The following SUMF1 variants were observed in gnomAD, a reference collection of about 807,000 sequenced individuals.
SUMF1 encodes the protein formylglycine-generating enzyme.
A neutral mutation model predicts 47.6 loss-of-function variants in SUMF1; 48 were observed. The observed-to-expected ratio is 1.01, with a 90% CI of 0.80 to 1.28. The LOEUF (loss-of-function observed/expected upper bound fraction) is 1.28. Ranked by LOEUF, SUMF1 falls within the 50% of genes most tolerant of loss-of-function variation. The probability of loss-of-function intolerance (pLI) is 0.00; values close to 1 mark genes in which losing one functional copy is unlikely to be tolerated. For missense variants in SUMF1, 571 were observed against 485.4 expected (o/e 1.18, Z -1.66); for synonymous variants, 230 against 192.1 (o/e 1.20, Z -1.63).
intron 8 of SUMF1, among the ~76,000 whole-genome samples, chr3:4,128,075 G>A (rs1048968706): frequency 6.6e-6 from 1 of 152,146 alleles, no homozygotes; most frequent in African/African-American, 2.4e-5. Context: ...AGTGATGAAA[G>A]AAAATGATGA....
intron 3 of SUMF1, among the ~76,000 whole-genome samples, chr3:4,433,185 G>A (rs1702291098): frequency 6.6e-6 from 1 of 152,112 alleles, no homozygotes; most frequent in Admixed American, 6.5e-5. Context: ...TCCAATATTC[G>A]AGGGGCAGGG....
chr3:4,296,928 G>A (rs1317148197), intron 8 of SUMF1, among the ~76,000 whole-genome samples: 3 of 152,116 alleles, frequency 2.0e-5, no homozygotes, highest in Admixed American at 6.5e-5. Flanking sequence ...AATCGAAAAA[G>A]AGACTGAAAC....
intron 9 of SUMF1, among the ~76,000 whole-genome samples, chr3:4,065,606 T>G (rs1325342899): frequency 6.6e-6 from 1 of 152,162 alleles, no homozygotes; most frequent in African/African-American, 2.4e-5. Flanking sequence ...AAAGCAGTGC[T>G]AATTCCTTAA....
chr3:4,397,354 A>G (rs899236246), intron 7 of SUMF1, among the ~76,000 whole-genome samples: 1 of 152,222 alleles, frequency 6.6e-6, no homozygotes, highest in Non-Finnish European at 1.5e-5. Context: ...ATTGCTTAGA[A>G]TAACTGTATA....
At chr3:4,174,679 C>G (rs1694918179) in intron 8 of SUMF1, among the ~76,000 whole-genome samples, 2 of 152,086 alleles carry the variant, frequency 1.3e-5, no homozygotes, top group South Asian at 2.1e-4. Context: ...CTCATTGGGA[C>G]TGGTTGGACA....
At chr3:4,132,230 T>A (rs186993467) in intron 8 of SUMF1, among the ~76,000 whole-genome samples, 1 of 152,266 alleles carries the variant, frequency 6.6e-6, no homozygotes, top group East Asian at 1.9e-4. Context: ...CCTACCATCA[T>A]GGTATTCCAC....
chr3:4,312,971 G>C (rs551804242), intron 8 of SUMF1: 2 of 1,614,000 alleles, frequency 1.2e-6, no homozygotes, highest in South Asian at 1.1e-5. Context: ...GGATGCATTT[G>C]TGTCAAAACT....
At chr3:4,402,054 C>T (rs1386875904) in intron 7 of SUMF1, among the ~76,000 whole-genome samples, 2 of 152,172 alleles carry the variant, frequency 1.3e-5, no homozygotes, top group East Asian at 3.9e-4. Flanking sequence ...AGTGCGCACA[C>T]ACACATGCTC....
chr3:4,044,114 G>A (rs1051537734), intron 9 of SUMF1, among the ~76,000 whole-genome samples: 3 of 152,136 alleles, frequency 2.0e-5, no homozygotes, highest in Admixed American at 6.5e-5. Context: ...AATAATAGTT[G>A]TGTCTTCCTA....
intron 8 of SUMF1, among the ~76,000 whole-genome samples, chr3:4,227,174 G>C (rs890733528): frequency 1.1e-4 from 17 of 152,016 alleles, no homozygotes; most frequent in African/African-American, 3.9e-4. Flanking sequence ...TAACGATATG[G>C]TTACAACACA....
chr3:4,274,271 C>T (rs1437470892), intron 8 of SUMF1, among the ~76,000 whole-genome samples: 4 of 151,998 alleles, frequency 2.6e-5, no homozygotes, highest in Admixed American at 2.6e-4. Context: ...CAAGATTGCC[C>T]TTGATGTTCA....
At chr3:4,267,253 G>A (rs1697214659) in intron 8 of SUMF1, among the ~76,000 whole-genome samples, 1 of 152,152 alleles carries the variant, frequency 6.6e-6, no homozygotes. Flanking sequence ...ATGAGTTAGG[G>A]AGGTTTCCCT....
intron 7 of SUMF1, among the ~76,000 whole-genome samples, chr3:4,405,827 T>C (rs911292242): frequency 6.6e-6 from 1 of 152,168 alleles, no homozygotes; most frequent in Non-Finnish European, 1.5e-5. Context: ...CTGGCTAAAA[T>C]GTGGTAAGTA....
intron 1 of SUMF1, among the ~76,000 whole-genome samples, chr3:4,464,750 G>C (rs1043616784): frequency 6.6e-6 from 1 of 152,164 alleles, no homozygotes; most frequent in African/African-American, 2.4e-5. Flanking sequence ...GAGAGATTAA[G>C]AACAGCCTCC....
intron 8 of SUMF1, among the ~76,000 whole-genome samples, chr3:4,308,817 CT>C (rs1406737973): frequency 2.0e-5 from 3 of 152,250 alleles, no homozygotes; most frequent in African/African-American, 7.2e-5. Flanking sequence ...CCATTTACGC[CT>C]TTGACTTGTC....
chr3:4,234,837 G>A (rs907274194), intron 8 of SUMF1, among the ~76,000 whole-genome samples: 3 of 152,116 alleles, frequency 2.0e-5, no homozygotes, highest in African/African-American at 7.2e-5. Flanking sequence ...AGAGAGCATG[G>A]CATCGTCAAG....
intron 3 of SUMF1, among the ~76,000 whole-genome samples, chr3:4,442,392 A>C (rs894676582): frequency 7.2e-6 from 1 of 139,768 alleles, no homozygotes; most frequent in Non-Finnish European, 1.6e-5. Context: ...AGTAGCTGGG[A>C]CTACAGGCGC....
rs189490567 is a variant in SUMF1 at position 4,137,082 on chromosome 3, G to A, written c.1015-68337C>T. 3.9e-3 allele frequency among the ~76,000 whole-genome samples: 600 copies of A among 152,112 alleles called. 17 individuals are homozygous for A. The East Asian group carries it at 0.048, about 12-fold the overall frequency. On this transcript the variant is annotated intron_variant and NMD_transcript_variant, in intron 8 of 12. Coordinates refer to the SUMF1 transcript ENST00000448413. ...AGTGTGGCGATTCCTCAAGGATCTA[G>A]AACTAGAAAAACCATTTGACCCAGC...
At chr3:4,314,587 C>T (rs1698560273) in intron 8 of SUMF1, among the ~76,000 whole-genome samples, 1 of 151,978 alleles carries the variant, frequency 6.6e-6, no homozygotes, top group Non-Finnish European at 1.5e-5. Context: ...TCATTATATA[C>T]TTGGCTGTAC....
Sources: gnomAD v4.1 joint callset for allele counts (sites outside exome capture counted in the v4.1 genomes callset) on GRCh38, gnomAD v4.1.1 for gene constraint, MANE v1.5 for transcripts, NCBI Gene and HGNC (gene_info 2026-07-23, HGNC 2026-07-21) for gene names.